The following SV2C variants were observed in gnomAD, a reference collection of about 807,000 sequenced individuals.
SV2C encodes the protein solute carrier family 22 member B3.
In SV2C, 49 loss-of-function variants were observed where a neutral mutation model predicts 79.7. The ratio of observed to expected loss-of-function variants is 0.61; its 90% confidence interval spans 0.49 to 0.78. The LOEUF is 0.78. Among genes scored for constraint, SV2C ranks in the 30% least tolerant of loss-of-function variants. The probability of loss-of-function intolerance (pLI) is 0.00; values close to 1 mark genes in which losing one functional copy is unlikely to be tolerated. For synonymous variants in SV2C, 334 were observed against 333.2 expected, an observed-to-expected ratio of 1.00 and a Z score of -0.03; for missense variants, 833 against 912.9, an observed-to-expected ratio of 0.91 and a Z score of 1.13.
chr5:75,889,623 T>C, the SV2C span, among the ~76,000 whole-genome samples: 1 of 152,098 alleles, frequency 6.6e-6, no homozygotes, highest in South Asian at 2.1e-4. Context: ...AATTAATTTT[T>C]AAAGATTATC....
chr5:75,924,009 A>T, the SV2C span, among the ~76,000 whole-genome samples: 144 of 152,372 alleles, frequency 9.5e-4, no homozygotes, highest in African/African-American at 3.1e-3. Flanking sequence ...AACCAACCTA[A>T]GTGGCCTTTG....
chr5:75,855,135 C>T, the SV2C span, among the ~76,000 whole-genome samples: 19 of 152,086 alleles, frequency 1.2e-4, no homozygotes, highest in Non-Finnish European at 1.5e-5. Flanking sequence ...TTAGGGCTCA[C>T]CTCAATTTCT....
In SV2C at chr5:76,166,159, A is replaced by G. The variant is rs766682280; in HGVS notation, c.581-28760A>G. Among the ~76,000 whole-genome samples, 37 of 152,262 alleles carry G rather than the reference A, an allele frequency of 2.4e-4. 1 individual carries two copies. The highest frequency in any genetic ancestry group is 6.5e-5 in the Admixed American group (1 of 15,290). ...AATATTATGCCCAGAATAGAAATAA[A>G]GATACCCCGTGGTCAAAAGTTTTAT... On this transcript the variant is annotated intron_variant, in intron 2 of 12. Transcript: ENST00000502798.
At chr5:76,105,889 C>G (rs1010043360) in intron 1 of SV2C, among the ~76,000 whole-genome samples, 1 of 152,038 alleles carries the variant, frequency 6.6e-6, no homozygotes, top group Non-Finnish European at 1.5e-5. Context: ...GAGCAATCTT[C>G]TCTTCACCTC....
chr5:76,079,238 G>T, upstream of SV2C: 1 of 324,714 alleles, frequency 3.1e-6, no homozygotes, highest in South Asian at 3.8e-5. Context: ...AGATTTCACT[G>T]GCAAAGAGGT....
At chr5:76,214,136 C>T (rs1477348563) in intron 4 of SV2C, among the ~76,000 whole-genome samples, 1 of 152,066 alleles carries the variant, frequency 6.6e-6, no homozygotes, top group Non-Finnish European at 1.5e-5. Context: ...AGTTTTAAAG[C>T]TTTACTGTTT....
intron 4 of SV2C, among the ~76,000 whole-genome samples, chr5:76,247,422 CT>C (rs1745977499): frequency 6.6e-6 from 1 of 152,232 alleles, no homozygotes; most frequent in African/African-American, 2.4e-5. Flanking sequence ...CCAACTTTCC[CT>C]TTCCATATCT....
the SV2C span, among the ~76,000 whole-genome samples, chr5:76,027,732 T>C: frequency 6.6e-5 from 10 of 152,220 alleles, no homozygotes; most frequent in Admixed American, 6.5e-4. Flanking sequence ...TGATCCTTTC[T>C]GGATCTTGCT....
chr5:75,889,818 A>G, the SV2C span, among the ~76,000 whole-genome samples: 1 of 151,976 alleles, frequency 6.6e-6, no homozygotes, highest in Admixed American at 6.6e-5. Flanking sequence ...CAGAAAAGGA[A>G]AGGAAGCTTG....
chr5:76,308,809 T>G (rs1450342021), intron 12 of SV2C, among the ~76,000 whole-genome samples: 4 of 152,204 alleles, frequency 2.6e-5, no homozygotes, highest in African/African-American at 9.7e-5. Flanking sequence ...GTTGTACTTA[T>G]CAAGAAGAAT....
chr5:75,972,487 A>C, the SV2C span, among the ~76,000 whole-genome samples: 1 of 152,052 alleles, frequency 6.6e-6, no homozygotes, highest in East Asian at 1.9e-4. Context: ...ACAAGAAAAA[A>C]ACAAACAACC....
At chr5:76,147,071 A>G (rs1227266944) in intron 2 of SV2C, among the ~76,000 whole-genome samples, 1 of 152,142 alleles carries the variant, frequency 6.6e-6, no homozygotes, top group Non-Finnish European at 1.5e-5. Context: ...GGGGAATGGG[A>G]AGGTACAATG....
At chr5:75,934,793 C>T in the SV2C span, among the ~76,000 whole-genome samples, 1 of 151,946 alleles carries the variant, frequency 6.6e-6, no homozygotes, top group African/African-American at 2.4e-5. Context: ...CACTTATAAT[C>T]TCTCCTCTAC....
At chr5:76,074,366 T>A in the SV2C span, among the ~76,000 whole-genome samples, 1 of 152,134 alleles carries the variant, frequency 6.6e-6, no homozygotes, top group Admixed American at 6.5e-5. Flanking sequence ...TCCCCCTTCC[T>A]TGCATCTTAC....
the SV2C span, among the ~76,000 whole-genome samples, chr5:76,014,181 AAAGAAAG>A: frequency 1.3e-5 from 2 of 150,746 alleles, no homozygotes; most frequent in East Asian, 3.9e-4. Flanking sequence ...AGAAAGAAAG[AAAGAAAG>A]AAGGAAAGAG....
At chr5:75,913,746 T>A in the SV2C span, among the ~76,000 whole-genome samples, 2 of 152,306 alleles carry the variant, frequency 1.3e-5, no homozygotes, top group Admixed American at 1.3e-4. Flanking sequence ...GTTTCAGAAA[T>A]GGAGCTGTCA....
At chr5:76,028,161 C>T in the SV2C span, among the ~76,000 whole-genome samples, 8 of 152,196 alleles carry the variant, frequency 5.3e-5, no homozygotes, top group Admixed American at 6.5e-5. Flanking sequence ...AACTGTCTTC[C>T]AGCTTCAGCT....
the SV2C span, among the ~76,000 whole-genome samples, chr5:75,964,992 T>C: frequency 5.3e-4 from 80 of 152,240 alleles, no homozygotes; most frequent in Non-Finnish European, 1.0e-4. Flanking sequence ...GTATATTTAC[T>C]GGTAGAGCCC....
intron 4 of SV2C, among the ~76,000 whole-genome samples, chr5:76,230,076 G>T (rs73766718): frequency 0.12 from 17,892 of 152,056 alleles, 3,058 homozygotes; most frequent in African/African-American, 0.38. Flanking sequence ...CACAAGGCAG[G>T]GCAGTACTTT....
Sources: gnomAD v4.1 joint callset for allele counts (sites outside exome capture counted in the v4.1 genomes callset) on GRCh38, gnomAD v4.1.1 for gene constraint, MANE v1.5 for transcripts, NCBI Gene and HGNC (gene_info 2026-07-23, HGNC 2026-07-21) for gene names.